SMIM10L3: variants seen among roughly 807,000 people sequenced by gnomAD.
The protein encoded by SMIM10L3 is small integral membrane protein 10 like 3.
chr7:6,343,565 T>C, the SMIM10L3 span, among the ~76,000 whole-genome samples: 1 of 151,644 alleles, frequency 6.6e-6, no homozygotes, highest in East Asian at 1.9e-4. Context: ...TTTTACTAAA[T>C]TTAGTATTTG....
the SMIM10L3 span, among the ~76,000 whole-genome samples, chr7:6,335,868 C>G: frequency 6.6e-6 from 1 of 151,904 alleles, no homozygotes; most frequent in East Asian, 1.9e-4. Context: ...GACCCTGTCT[C>G]TACAAAAAAA....
the SMIM10L3 span, among the ~76,000 whole-genome samples, chr7:6,343,264 C>G: frequency 2.0e-5 from 3 of 151,016 alleles, no homozygotes; most frequent in Admixed American, 6.6e-5. Context: ...GTAATCCCAG[C>G]TACTCAGGAG....
chr7:6,331,937 G>A, the SMIM10L3 span, among the ~76,000 whole-genome samples: 5 of 151,618 alleles, frequency 3.3e-5, no homozygotes, highest in Non-Finnish European at 7.4e-5. Context: ...GTAGAGATGA[G>A]GGTTCGCCAT....
the SMIM10L3 span, among the ~76,000 whole-genome samples, chr7:6,342,435 C>G: frequency 6.6e-6 from 1 of 151,852 alleles, no homozygotes; most frequent in Non-Finnish European, 1.5e-5. Flanking sequence ...ATCCCAGCTA[C>G]TCGGGAGGCA....
the SMIM10L3 span, among the ~76,000 whole-genome samples, chr7:6,340,500 C>G: frequency 9.7e-4 from 148 of 152,156 alleles, no homozygotes; most frequent in African/African-American, 3.3e-3. Context: ...CCGTGCTGCA[C>G]CTGGAGTTGG....
At chr7:6,335,285 C>T in the SMIM10L3 span, among the ~76,000 whole-genome samples, 1 of 151,758 alleles carries the variant, frequency 6.6e-6, no homozygotes, top group South Asian at 2.1e-4. Context: ...GGCAATGGCA[C>T]AATCTCGGCT....
chr7:6,337,591 T>A, the SMIM10L3 span, among the ~76,000 whole-genome samples: 4 of 151,864 alleles, frequency 2.6e-5, no homozygotes, highest in East Asian at 7.7e-4. Context: ...ACCATTATTT[T>A]TTTTCATTTC....
the SMIM10L3 span, chr7:6,330,023 CA>C: frequency 3.9e-6 from 1 of 254,984 alleles, no homozygotes; most frequent in Non-Finnish European, 8.0e-6. Context: ...TCAGACAAGT[CA>C]AAAGGACACA....
At chr7:6,330,454 G>A in the SMIM10L3 span, 1 of 1,614,150 alleles carries the variant, frequency 6.2e-7, no homozygotes, top group African/African-American at 1.3e-5. Context: ...ACCATCTGAG[G>A]TGCTTTTAAG....
At chr7:6,332,293 T>G in the SMIM10L3 span, among the ~76,000 whole-genome samples, 7 of 152,052 alleles carry the variant, frequency 4.6e-5, no homozygotes, top group Non-Finnish European at 1.0e-4. Flanking sequence ...GGCAAAAAAG[T>G]TCCTGTCCAA....
the SMIM10L3 span, among the ~76,000 whole-genome samples, chr7:6,339,609 G>A: frequency 6.6e-6 from 1 of 151,760 alleles, no homozygotes; most frequent in African/African-American, 2.4e-5. Flanking sequence ...TCAGCCTCCG[G>A]AGTAGCTGGG....
the SMIM10L3 span, among the ~76,000 whole-genome samples, chr7:6,333,366 C>T: frequency 6.6e-6 from 1 of 152,028 alleles, no homozygotes; most frequent in Non-Finnish European, 1.5e-5. Context: ...ATAAATTATT[C>T]TGGCTACACT....
chr7:6,337,544 C>A, the SMIM10L3 span, among the ~76,000 whole-genome samples: 1 of 151,588 alleles, frequency 6.6e-6, no homozygotes, highest in Non-Finnish European at 1.5e-5. Flanking sequence ...AAAGGTGAAA[C>A]ATTTCTAGAA....
the SMIM10L3 span, among the ~76,000 whole-genome samples, chr7:6,332,610 A>T: frequency 6.6e-6 from 1 of 151,812 alleles, no homozygotes; most frequent in Non-Finnish European, 1.5e-5. Context: ...ATGTGGGAGG[A>T]TTGCTTGAGC....
chr7:6,346,216 C>T, the SMIM10L3 span, among the ~76,000 whole-genome samples: 3 of 152,084 alleles, frequency 2.0e-5, no homozygotes, highest in South Asian at 6.2e-4. Flanking sequence ...TTACCAGTCC[C>T]CTGAACTGAC....
At chr7:6,343,465 C>T in the SMIM10L3 span, among the ~76,000 whole-genome samples, 3 of 138,688 alleles carry the variant, frequency 2.2e-5, no homozygotes, top group Non-Finnish European at 4.6e-5. Context: ...CTAAGAAACA[C>T]TTCGTTCTTC....
At chr7:6,332,060 C>G in the SMIM10L3 span, among the ~76,000 whole-genome samples, 6 of 149,512 alleles carry the variant, frequency 4.0e-5, no homozygotes, top group Non-Finnish European at 7.4e-5. Flanking sequence ...AGCTGTGAGC[C>G]GAGATCATGC....
the SMIM10L3 span, among the ~76,000 whole-genome samples, chr7:6,335,871 C>CA: frequency 6.6e-6 from 1 of 151,594 alleles, no homozygotes; most frequent in Non-Finnish European, 1.5e-5. Flanking sequence ...CCTGTCTCTA[C>CA]AAAAAAATTT....
At chr7:6,347,754 T>C in the SMIM10L3 span, among the ~76,000 whole-genome samples, 109 of 152,028 alleles carry the variant, frequency 7.2e-4, no homozygotes, top group South Asian at 1.5e-3. Context: ...GCTTCAAGGA[T>C]AACATAAAAC....
Sources: gnomAD v4.1 joint callset for allele counts (sites outside exome capture counted in the v4.1 genomes callset) on GRCh38, gnomAD v4.1.1 for gene constraint, MANE v1.5 for transcripts, NCBI Gene and HGNC (gene_info 2026-07-23, HGNC 2026-07-21) for gene names.